Variants in ANXA1 observed in about 807,000 individuals in gnomAD.
The protein encoded by ANXA1 is annexin I (lipocortin I).
A neutral mutation model predicts 47.9 loss-of-function variants in ANXA1; 39 were observed. The observed-to-expected ratio is 0.81, with a 90% confidence interval of 0.63 to 1.06. ANXA1 has a LOEUF of 1.06. Among genes scored for constraint, ANXA1 ranks in the 50% least tolerant of loss-of-function variants. ANXA1 has a pLI of 0.00. For synonymous variants in ANXA1, 146 were observed against 142.5 expected (o/e 1.02, Z -0.17); for missense variants, 446 against 422.7 (o/e 1.06, Z -0.48).
chr9:73,167,359 T>C, intron 10 of ANXA1, 138 bp from the exon 11 acceptor site: 1 of 694,026 alleles, frequency 1.4e-6, no homozygotes, highest in Non-Finnish European at 2.5e-6. Flanking sequence ...AACTGCCCTA[T>C]ATTGGGAGAT....
intron 7 of ANXA1, among the ~76,000 whole-genome samples, chr9:73,163,195 G>A (rs1394459084): frequency 2.0e-5 from 3 of 152,058 alleles, no homozygotes; most frequent in Non-Finnish European, 4.4e-5. Flanking sequence ...CTCATTCCCA[G>A]TGACGGCATT....
At chr9:73,157,373 G>A (rs899330973) in intron 1 of ANXA1, among the ~76,000 whole-genome samples, 2 of 152,042 alleles carry the variant, frequency 1.3e-5, no homozygotes, top group Non-Finnish European at 2.9e-5. Context: ...GTAATCATTG[G>A]CTGGGAGTGG....
At chr9:73,164,170 C>T (rs752241544) in intron 8 of ANXA1, among the ~76,000 whole-genome samples, 1 of 152,068 alleles carries the variant, frequency 6.6e-6, no homozygotes, top group Non-Finnish European at 1.5e-5. Flanking sequence ...GAACAGTATT[C>T]TCTAGAGAAT....
In ANXA1 at chr9:73,162,767, T is replaced by C. The variant is rs375192292; in HGVS notation, c.476-15T>C. ...TCACTGGTTTACTATAAAATCTATT[T>C]TTCTTTTTTCTCAGAACTGAAGAGA... On this transcript the variant is annotated splice_polypyrimidine_tract_variant and intron_variant, in intron 6 of 12. Transcript: ENST00000257497. 42 of 1,594,852 alleles carry C rather than the reference T, an allele frequency of 2.6e-5. No individual in the cohort carries two copies. In the African/African-American group the frequency reaches 4.6e-4, roughly 17 times the overall value.
chr9:73,163,187 C>T (rs1824171969), intron 7 of ANXA1, among the ~76,000 whole-genome samples: 1 of 152,062 alleles, frequency 6.6e-6, no homozygotes, highest in Non-Finnish European at 1.5e-5. Flanking sequence ...AGCAAGAACT[C>T]ATTCCCAGTG....
rs534466153 is a variant in ANXA1 at position 73,167,065 on chromosome 9, T to C, written c.803-432T>C. 5.3e-5 allele frequency among the ~76,000 whole-genome samples: 8 copies of C among 152,256 alleles called. No individual in the cohort carries two copies. In the South Asian group the frequency reaches 1.7e-3, roughly 32 times the overall value. ...AGTGAGCATAGTACCCAATAAGTAGTTTTTTGACCAATGCCCCTTCTCTCC... is the reference window on the plus strand; with the variant it reads ...AGTGAGCATAGTACCCAATAAGTAGCTTTTTGACCAATGCCCCTTCTCTCC... On this transcript the variant is annotated intron_variant, in intron 10 of 12. Transcript: ENST00000257497.
chr9:73,167,850 C>T (rs931665928), intron 11 of ANXA1: 9 of 282,598 alleles, frequency 3.2e-5, no homozygotes, highest in Admixed American at 4.8e-5. Flanking sequence ...TCTTTTTTAA[C>T]GTGTAATTTT....
intron 1 of ANXA1, among the ~76,000 whole-genome samples, chr9:73,154,675 G>T (rs915950750): frequency 1.3e-5 from 2 of 152,202 alleles, no homozygotes; most frequent in Non-Finnish European, 2.9e-5. Context: ...CTGGCCTCAA[G>T]TAATCTGCCC....
intron 6 of ANXA1, among the ~76,000 whole-genome samples, chr9:73,161,876 G>C (rs1211586250): frequency 6.6e-6 from 1 of 152,088 alleles, no homozygotes. Context: ...ACATTGCCCA[G>C]TTTCAAGTTG....
chr9:73,154,450 C>G, intron 1 of ANXA1: 1 of 1,036,344 alleles, frequency 9.6e-7, no homozygotes. Context: ...TTCTTTCTTT[C>G]TTCCCGACAG....
Position 73,165,160 on chromosome 9 carries a change from C to T in ANXA1, c.657C>T (p.Asn219=), listed in dbSNP as rs369329871. 5.0e-5 allele frequency: 80 copies of T among 1,612,788 alleles called. No homozygotes were observed. Among genetic ancestry groups the T allele is most frequent in the Admixed American group, 6.7e-5 (4 of 59,910 alleles). Reference sequence around the variant, plus strand: ...AAAGGAGAAAGGGGACAGACGTAAACGTGTTCAATACCATCCTTACCACCA... The same window carrying T: ...AAAGGAGAAAGGGGACAGACGTAAATGTGTTCAATACCATCCTTACCACCA... ...AGERRKGTDV[N]VFNTILTTRS... is the part of the protein sequence containing the mutation. Residue 219 remains asparagine (N), a synonymous_variant, in exon 9 of 13, where the codon AAC becomes AAT. Transcript: ENST00000257497.
chr9:73,159,656 G>A, intron 4 of ANXA1: 1 of 329,268 alleles, frequency 3.0e-6, no homozygotes, highest in Non-Finnish European at 5.6e-6. Flanking sequence ...GTGGTGCTCT[G>A]GGGACAAATT....
intron 1 of ANXA1, among the ~76,000 whole-genome samples, chr9:73,155,991 TA>T (rs1234436559): frequency 6.6e-6 from 1 of 150,692 alleles, no homozygotes; most frequent in African/African-American, 2.4e-5. Context: ...GTAAAGTTTT[TA>T]TAACGTTTAT....
At chr9:73,166,535 T>C (rs2118173945) in intron 10 of ANXA1, among the ~76,000 whole-genome samples, 1 of 152,226 alleles carries the variant, frequency 6.6e-6, no homozygotes, top group South Asian at 2.1e-4. Flanking sequence ...TCTGGATAAA[T>C]GTAACTTCAA....
chr9:73,159,855 A>G lies in ANXA1; in HGVS notation c.271-408A>G, dbSNP rs192054444. 1.9e-5 allele frequency: 3 copies of G among 158,388 alleles called. No individual in the cohort carries two copies. In the Admixed American group the frequency reaches 1.9e-4, roughly 10 times the overall value. The allele number at this position is 158,388 out of a possible 1,614,324, so 9.8% of individuals were successfully genotyped here. A position where few individuals can be genotyped will look rare whatever the true frequency, so the allele number is the denominator to read the frequency against. ...TAAAGCAATGAAATTAGAAAACTAT[A>G]TAATTTCAGTATCTGATTATACTGC... On this transcript the variant is annotated intron_variant, in intron 4 of 12. Coordinates refer to ENST00000257497, the MANE Select transcript of ANXA1 (RefSeq NM_000700.3).
intron 6 of ANXA1, among the ~76,000 whole-genome samples, chr9:73,161,578 A>G (rs1018666417): frequency 6.6e-6 from 1 of 152,106 alleles, no homozygotes; most frequent in African/African-American, 2.4e-5. Context: ...GGCTTTCCCA[A>G]TGCAATATAT....
At position 73,158,570 on chromosome 9, in the gene ANXA1, G is replaced by T. The variant is rs1378771396; in HGVS notation, c.35G>T (p.Trp12Leu). The change falls in exon 2 of 13, where the codon TGG (tryptophan) becomes TTG (leucine). Residue 12 changes from tryptophan to leucine, a missense_variant. Trp to Leu is a moderately conservative substitution (Grantham distance 61). Transcript: ENST00000257497. ...AMVSEFLKQA[W>L]FIENEEQEYV... is the part of the protein sequence containing the mutation. The stretch of plus-strand genomic sequence containing the variant: ...GTATCAGAATTCCTCAAGCAGGCCT[G>T]GTTTATTGAAAATGAAGAGCAGGAA... 6.2e-7 allele frequency: 1 copy of T among 1,613,494 alleles called. No individual in the cohort carries two copies. The highest frequency in any genetic ancestry group is 1.3e-5 in the African/African-American group (1 of 74,848).
At chr9:73,156,571 C>T (rs959980878) in intron 1 of ANXA1, among the ~76,000 whole-genome samples, 1 of 152,108 alleles carries the variant, frequency 6.6e-6, no homozygotes, top group African/African-American at 2.4e-5. Context: ...CAATCCCATG[C>T]GAATTAAGTG....
At chr9:73,160,922 G>T (rs749754271) in intron 6 of ANXA1, 29 bp downstream of exon 6, 2 of 1,437,488 alleles carry the variant, frequency 1.4e-6, no homozygotes, top group Non-Finnish European at 1.9e-6. Flanking sequence ...CAGTCCAAAC[G>T]CCTTATTTGA....
Sources: gnomAD v4.1 joint callset for allele counts (sites outside exome capture counted in the v4.1 genomes callset) on GRCh38, gnomAD v4.1.1 for gene constraint, MANE v1.5 for transcripts, NCBI Gene and HGNC (gene_info 2026-07-23, HGNC 2026-07-21) for gene names.